LDLRAD3: variants seen among roughly 807,000 people sequenced by gnomAD.
LDLRAD3 encodes low density lipoprotein receptor class A domain containing 3.
A neutral mutation model predicts 29.4 loss-of-function variants in LDLRAD3; 20 were observed. The ratio of observed to expected loss-of-function variants is 0.68; its 90% CI spans 0.48 to 0.99. The LOEUF (loss-of-function observed/expected upper bound fraction) is 0.99, where lower values mean the gene tolerates loss of function less well. Ranked by LOEUF, LDLRAD3 falls within the 50% of genes least tolerant of loss-of-function variation. The pLI, the probability that LDLRAD3 is intolerant of heterozygous loss-of-function variation, is 0.00. For synonymous variants in LDLRAD3, 157 were observed against 192.7 expected, an observed-to-expected ratio of 0.81 and a Z score of 1.53; for missense variants, 420 against 454.3, an observed-to-expected ratio of 0.92 and a Z score of 0.69.
At chr11:35,947,156 A>T (rs183762778) in intron 1 of LDLRAD3, among the ~76,000 whole-genome samples, 1 of 152,320 alleles carries the variant, frequency 6.6e-6, no homozygotes, top group East Asian at 1.9e-4. Flanking sequence ...TCACCTTTGT[A>T]AAGCAGTTTA....
chr11:36,036,022 C>A, intron 1 of LDLRAD3, 81 bp from the exon 2 acceptor site: 1 of 1,454,614 alleles, frequency 6.9e-7, no homozygotes, highest in Non-Finnish European at 9.4e-7. Context: ...TCACCTATAC[C>A]AAACCACACA....
chr11:35,964,135 G>A (rs777002251), intron 1 of LDLRAD3, among the ~76,000 whole-genome samples: 2 of 152,162 alleles, frequency 1.3e-5, no homozygotes, highest in Non-Finnish European at 2.9e-5. Flanking sequence ...GGAGTCTTGA[G>A]CAATGGAAGA....
intron 4 of LDLRAD3, among the ~76,000 whole-genome samples, chr11:36,123,010 T>TACA (rs983360812): frequency 1.3e-5 from 2 of 152,062 alleles, no homozygotes; most frequent in East Asian, 1.9e-4. Context: ...ACCTTGTCTC[T>TACA]ACAACAACAA....
intron 4 of LDLRAD3, among the ~76,000 whole-genome samples, chr11:36,119,115 A>T (rs1028496361): frequency 1.3e-5 from 2 of 152,244 alleles, no homozygotes; most frequent in Non-Finnish European, 2.9e-5. Flanking sequence ...AAAATAAAAA[A>T]TAAAAAAGGT....
chr11:36,038,551 T>G (rs1222839579), intron 2 of LDLRAD3, among the ~76,000 whole-genome samples: 1 of 152,246 alleles, frequency 6.6e-6, no homozygotes, highest in African/African-American at 2.4e-5. Flanking sequence ...GTGATATTAG[T>G]GCATTCTATG....
Position 36,098,397 on chromosome 11 carries a change from C to G in LDLRAD3, c.390C>G (p.Phe130Leu). The G allele has an allele frequency of 6.2e-7, 1 of 1,614,236 alleles. No individual in the cohort carries two copies. Among genetic ancestry groups the G allele is most frequent in the Non-Finnish European group, 8.5e-7 (1 of 1,180,032 alleles). Residue 130 changes from phenylalanine (F) to leucine (L), a missense_variant, in exon 4 of 6, where the codon TTC becomes TTG. Around this residue, in one of 3 missense-constraint regions of LDLRAD3, gnomAD observed 224 missense variants for 222.2 expected, o/e 1.01. Transcript: ENST00000315571. ...CKNGLCIDKS[F>L]ICDGQNNCQD... The stretch of plus-strand genomic sequence containing the variant: ...ACGGCCTCTGTATTGACAAGAGCTT[C>G]ATCTGCGATGGACAGAATAACTGTC...
intron 4 of LDLRAD3, among the ~76,000 whole-genome samples, chr11:36,169,767 G>A (rs974194843): frequency 6.6e-6 from 1 of 152,152 alleles, no homozygotes; most frequent in Non-Finnish European, 1.5e-5. Flanking sequence ...GGGAGTGCAG[G>A]CATCTTTTCG....
intron 4 of LDLRAD3, chr11:36,163,577 G>C (rs112540186): frequency 3.3e-5 from 5 of 152,250 alleles, no homozygotes; most frequent in African/African-American, 1.2e-4. Context: ...GTTTCCCTCT[G>C]CAAGACTGTA....
intron 2 of LDLRAD3, among the ~76,000 whole-genome samples, chr11:36,076,356 A>G (rs1853002227): frequency 6.6e-6 from 1 of 151,426 alleles, no homozygotes. Context: ...AGTTTCAATG[A>G]ACCAAAGCCT....
intron 1 of LDLRAD3, among the ~76,000 whole-genome samples, chr11:35,970,258 C>T (rs935613446): frequency 6.6e-6 from 1 of 152,296 alleles, no homozygotes; most frequent in Non-Finnish European, 1.5e-5. Flanking sequence ...ATATGTAATT[C>T]GTTAAGACAC....
chr11:35,947,938 C>A (rs1216912676), intron 1 of LDLRAD3, among the ~76,000 whole-genome samples: 1 of 152,200 alleles, frequency 6.6e-6, no homozygotes, highest in Non-Finnish European at 1.5e-5. Context: ...GAGACATCAG[C>A]TTTCTTTGCA....
chr11:36,227,316 G>T lies in LDLRAD3; in HGVS notation c.686G>T (p.Cys229Phe). The T allele has an allele frequency of 6.2e-7, 1 of 1,614,184 alleles. No homozygotes were observed. The highest frequency in any genetic ancestry group is 1.1e-5 in the South Asian group (1 of 91,076). Residue 229 changes from cysteine to phenylalanine, a missense_variant, in exon 5 of 6, where the codon TGC (cysteine) becomes TTC (phenylalanine). Around this residue, in one of 3 missense-constraint regions of LDLRAD3, gnomAD observed 56 missense variants for 92.2 expected, o/e 0.61. Coordinates refer to ENST00000315571, the MANE Select transcript of LDLRAD3 (RefSeq NM_174902.4). ...GTGGTCCTGGACCACCCCCACCACT[G>T]CAACGTCACCTACAACGTCAATAAT... ...RLVVLDHPHH[C>F]NVTYNVNNGI...
chr11:36,181,092 G>C (rs963408306), intron 4 of LDLRAD3, among the ~76,000 whole-genome samples: 1 of 152,038 alleles, frequency 6.6e-6, no homozygotes, highest in Non-Finnish European at 1.5e-5. Context: ...CCCGTGTGTG[G>C]CTCAATGTTA....
intron 1 of LDLRAD3, among the ~76,000 whole-genome samples, chr11:36,034,989 C>T (rs1003372159): frequency 4.6e-5 from 7 of 152,158 alleles, no homozygotes; most frequent in East Asian, 1.9e-4. Flanking sequence ...TACCCCGAGG[C>T]GGGTCTAGAC....
intron 4 of LDLRAD3, among the ~76,000 whole-genome samples, chr11:36,141,922 A>C (rs1854092455): frequency 6.6e-6 from 1 of 152,202 alleles, no homozygotes; most frequent in Admixed American, 6.5e-5. Flanking sequence ...AAGCTGCAAT[A>C]TCGATCTGCT....
intron 4 of LDLRAD3, among the ~76,000 whole-genome samples, chr11:36,166,104 C>T (rs7929112): frequency 0.069 from 10,425 of 151,922 alleles, 572 homozygotes; most frequent in East Asian, 0.32. Flanking sequence ...TGCAGTAGCC[C>T]CTGGTTCCTG....
intron 4 of LDLRAD3, among the ~76,000 whole-genome samples, chr11:36,132,003 A>G (rs1590293638): frequency 1.3e-5 from 2 of 151,788 alleles, no homozygotes; most frequent in East Asian, 1.9e-4. Context: ...TGTAAAACCC[A>G]AATAGCTTTA....
Position 35,946,356 on chromosome 11 carries a change from GTAGT to G in LDLRAD3, c.46+2216_46+2219del, listed in dbSNP as rs552702852. Reference sequence around the variant, plus strand: ...AGAATCCCAGGGTCAAGGTTGAACCGTAGTTAGAGTCCTGAGTCTTTGTGGGGCT... The same window carrying G: ...AGAATCCCAGGGTCAAGGTTGAACCGTAGAGTCCTGAGTCTTTGTGGGGCT... On this transcript the variant is annotated intron_variant, in intron 1 of 5. Transcript: ENST00000315571. Among the ~76,000 whole-genome samples the G allele has an allele frequency of 1.8e-3, 272 of 152,308 alleles. 2 individuals are homozygous for G. The highest frequency in any genetic ancestry group is 3.4e-3 in the Non-Finnish European group (231 of 68,038).
intron 2 of LDLRAD3, among the ~76,000 whole-genome samples, chr11:36,066,959 G>T (rs1499509): frequency 6.6e-6 from 1 of 151,980 alleles, no homozygotes; most frequent in Non-Finnish European, 1.5e-5. Flanking sequence ...GCTCCCAGAC[G>T]CATCTCCTGC....
Sources: gnomAD v4.1 joint callset for allele counts (sites outside exome capture counted in the v4.1 genomes callset) on GRCh38, gnomAD v4.1.1 for gene constraint, gnomAD v4.1.1 regional missense constraint, MANE v1.5 for transcripts, NCBI Gene and HGNC (gene_info 2026-07-23, HGNC 2026-07-21) for gene names.